Variants in TIMP2 observed in about 807,000 individuals in gnomAD.
TIMP2 encodes the protein metalloproteinase inhibitor 2.
TIMP2 carries 5 observed loss-of-function variants against 24.3 expected under a neutral mutation model. The observed-to-expected ratio is 0.21, with a 90% CI of 0.11 to 0.43. The LOEUF (loss-of-function observed/expected upper bound fraction) is 0.43. Ranked by LOEUF, TIMP2 falls within the 20% of genes least tolerant of loss-of-function variation. The probability of loss-of-function intolerance (pLI) is 1.00; values close to 1 mark genes in which losing one functional copy is unlikely to be tolerated. For synonymous variants in TIMP2, 130 were observed against 123.2 expected (o/e 1.06, Z -0.37); for missense variants, 221 against 297.5 (o/e 0.74, Z 1.89).
At chr17:78,917,049 G>C (rs1166228377) in intron 1 of TIMP2, among the ~76,000 whole-genome samples, 2 of 152,166 alleles carry the variant, frequency 1.3e-5, no homozygotes, top group African/African-American at 4.8e-5. Flanking sequence ...TTTGGAGTTT[G>C]AGACCAGCCT....
chr17:78,866,372 T>C (rs58147895), intron 3 of TIMP2, among the ~76,000 whole-genome samples: 5,412 of 152,192 alleles, frequency 0.036, 293 homozygotes, highest in African/African-American at 0.12. Context: ...TTTTTGTCCC[T>C]CTACCCTTCT....
intron 1 of TIMP2, among the ~76,000 whole-genome samples, chr17:78,909,054 A>G (rs1299927635): frequency 1.3e-5 from 2 of 152,130 alleles, no homozygotes; most frequent in Admixed American, 1.3e-4. Flanking sequence ...CTTTGCCCCA[A>G]AACAGTAGGT....
intron 1 of TIMP2, among the ~76,000 whole-genome samples, chr17:78,921,263 G>T (rs1198766028): frequency 3.3e-5 from 5 of 151,858 alleles, no homozygotes; most frequent in South Asian, 4.1e-4. Context: ...GAAAATAGCA[G>T]TTGTTCCCCC....
At chr17:78,892,165 C>T (rs1278388010) in intron 1 of TIMP2, 1 of 1,551,024 alleles carries the variant, frequency 6.4e-7, no homozygotes, top group Admixed American at 2.0e-5. Flanking sequence ...CTCTCCTCAA[C>T]TCCTCAGCCA....
At chr17:78,860,609 C>T (rs2069560250) in intron 3 of TIMP2, among the ~76,000 whole-genome samples, 3 of 152,238 alleles carry the variant, frequency 2.0e-5, no homozygotes, top group African/African-American at 7.2e-5. Flanking sequence ...GTTCCTTTAT[C>T]TTCGGGTCCT....
Position 78,854,392 on chromosome 17 carries a change from C to T in TIMP2, c.*1275G>A, listed in dbSNP as rs1393401981. 6.6e-6 allele frequency: 1 copy of T among 151,704 alleles called. No homozygotes were observed. Among genetic ancestry groups the T allele is most frequent in the Admixed American group, 6.6e-5 (1 of 15,182 alleles). The allele number at this position is 151,704 out of a possible 1,614,324, so 9.4% of individuals were successfully genotyped here. ...CTAGGAAGTTTCTTAGCTAGGTAATCTTTGTCATTTAAGAAATACAAGCAG... is the reference window on the plus strand; with the variant it reads ...CTAGGAAGTTTCTTAGCTAGGTAATTTTTGTCATTTAAGAAATACAAGCAG... On this transcript the variant is annotated 3_prime_UTR_variant, in exon 5 of 5. Transcript: ENST00000262768.
intron 2 of TIMP2, 73 bp from the exon 3 acceptor site, chr17:78,871,079 A>C: frequency 7.6e-7 from 1 of 1,320,088 alleles, no homozygotes; most frequent in Non-Finnish European, 1.1e-6. Context: ...CCCATCCAGA[A>C]CACCCTGGGC....
At chr17:78,858,964 G>T (rs1423096372) in intron 3 of TIMP2, among the ~76,000 whole-genome samples, 1 of 152,162 alleles carries the variant, frequency 6.6e-6, no homozygotes, top group Non-Finnish European at 1.5e-5. Context: ...ACAGGTGTGA[G>T]CCACTGCGCC....
intron 1 of TIMP2, chr17:78,892,503 A>G: frequency 6.6e-7 from 1 of 1,506,490 alleles, no homozygotes; most frequent in Non-Finnish European, 8.9e-7. Context: ...GATCGCTCCC[A>G]GGAGAGTGAG....
intron 1 of TIMP2, among the ~76,000 whole-genome samples, chr17:78,878,518 C>T (rs987419989): frequency 1.3e-5 from 2 of 152,218 alleles, no homozygotes; most frequent in Non-Finnish European, 2.9e-5. Flanking sequence ...GTACACAGAC[C>T]CGGTCCTGGT....
At chr17:78,864,715 T>C (rs998449014) in intron 3 of TIMP2, among the ~76,000 whole-genome samples, 1 of 152,112 alleles carries the variant, frequency 6.6e-6, no homozygotes, top group African/African-American at 2.4e-5. Context: ...TAGAAGAGTA[T>C]TACATATTTT....
chr17:78,924,219 G>A lies in TIMP2; in HGVS notation c.130+740C>T, dbSNP rs1484840680. ...CCGGAGGTCATGGGTATTTGCTGGG[G>A]AATCTGAGCAGCAGCACAGTCCCAC... On this transcript the variant is annotated intron_variant, in intron 1 of 4. Coordinates refer to ENST00000262768, the MANE Select transcript of TIMP2 (RefSeq NM_003255.5). This position sits in a 1 kb window ranked among gnomAD's most constrained non-coding sequence, Gnocchi z 5.3. 6.6e-6 allele frequency among the ~76,000 whole-genome samples: 1 copy of A among 152,234 alleles called. No individual in the cohort carries two copies. Among genetic ancestry groups the A allele is most frequent in the Non-Finnish European group, 1.5e-5 (1 of 68,036 alleles).
chr17:78,875,234 A>G (rs978080857), intron 1 of TIMP2, among the ~76,000 whole-genome samples: 9 of 152,316 alleles, frequency 5.9e-5, no homozygotes, highest in Admixed American at 2.6e-4. Context: ...GGGCAGGGGC[A>G]GGAAGTTTCA....
intron 2 of TIMP2, among the ~76,000 whole-genome samples, chr17:78,873,206 G>A (rs186375722): frequency 3.3e-4 from 50 of 151,846 alleles, no homozygotes; most frequent in African/African-American, 1.1e-3. Context: ...ATGAATTTTC[G>A]TCTCTCTTAC....
At chr17:78,870,778 A>G (rs1307735994) in intron 3 of TIMP2, 120 bp downstream of exon 3, 2 of 735,866 alleles carry the variant, frequency 2.7e-6, no homozygotes, top group African/African-American at 3.5e-5. Flanking sequence ...ACCCTGCCTC[A>G]CTGTTCCTCA....
At chr17:78,861,733 T>C (rs1015271771) in intron 3 of TIMP2, among the ~76,000 whole-genome samples, 6 of 151,688 alleles carry the variant, frequency 4.0e-5, no homozygotes, top group Admixed American at 6.6e-5. Flanking sequence ...TCCCAAAAAA[T>C]TGGGATTACA....
intron 1 of TIMP2, among the ~76,000 whole-genome samples, chr17:78,893,398 C>CGT (rs1216572988): frequency 1.9e-5 from 1 of 53,176 alleles, no homozygotes; most frequent in Non-Finnish European, 3.0e-5. Context: ...GGTGTGTATG[C>CGT]AGGGGTGTGT....
At chr17:78,877,788 C>T (rs1191337258) in intron 1 of TIMP2, among the ~76,000 whole-genome samples, 2 of 151,470 alleles carry the variant, frequency 1.3e-5, no homozygotes, top group Admixed American at 1.3e-4. Context: ...ACTGCAACCT[C>T]CGCCTCCTGG....
chr17:78,911,954 C>T (rs1162791742), intron 1 of TIMP2, among the ~76,000 whole-genome samples: 1 of 148,874 alleles, frequency 6.7e-6, no homozygotes, highest in Non-Finnish European at 1.5e-5. Context: ...ATCCCAGCTA[C>T]TGGGGAGGCT....
Sources: allele counts gnomAD v4.1 joint callset (sites outside exome capture counted in the v4.1 genomes callset), GRCh38; gene constraint gnomAD v4.1.1; non-coding constraint Gnocchi (gnomAD v3.1); transcripts MANE v1.5; gene names NCBI Gene and HGNC (gene_info 2026-07-23, HGNC 2026-07-21).